IL13RA1: variants seen among roughly 807,000 people sequenced by gnomAD.
The protein encoded by IL13RA1 is interleukin-13 receptor subunit alpha-1.
IL13RA1 carries 14 observed loss-of-function variants against 33.8 expected under a neutral mutation model. The observed-to-expected ratio is 0.41, with a 90% confidence interval of 0.27 to 0.65. IL13RA1 has a LOEUF of 0.65. Among genes scored for constraint, IL13RA1 ranks in the 30% least tolerant of loss-of-function variants. The probability of loss-of-function intolerance (pLI) is 0.28; values close to 1 mark genes in which losing one functional copy is unlikely to be tolerated. For synonymous variants in IL13RA1, 116 were observed against 115.7 expected (o/e 1.00, Z -0.02); for missense variants, 313 against 327.0 (o/e 0.96, Z 0.33).
chrX:118,775,951 C>G (rs1304926578), intron 9 of IL13RA1, among the ~76,000 whole-genome samples: 1 of 110,895 alleles, frequency 9.0e-6, no homozygotes. Context: ...AAGGAGTGCT[C>G]ATAAAGTGAA....
intron 10 of IL13RA1, among the ~76,000 whole-genome samples, chrX:118,777,324 T>G (rs1221893864): frequency 2.7e-5 from 3 of 111,850 alleles, no homozygotes; most frequent in Non-Finnish European, 5.6e-5. Flanking sequence ...CAGAATTTCC[T>G]TTTGAAATTG....
At chrX:118,755,137 CAG>C (rs1038335943) in intron 4 of IL13RA1, among the ~76,000 whole-genome samples, 11 of 109,154 alleles carry the variant, frequency 1.0e-4, no homozygotes, top group Non-Finnish European at 2.1e-4. Context: ...TCAGTAGAGA[CAG>C]GGTTTTACCA....
intron 3 of IL13RA1, 89 bp downstream of exon 3, chrX:118,747,181 T>G (rs1603210051): frequency 7.1e-6 from 4 of 565,016 alleles, no homozygotes; most frequent in African/African-American, 4.6e-5. Flanking sequence ...ATTAATTCAA[T>G]TCTCAAACAT....
chrX:118,737,431 T>C (rs574329220), intron 1 of IL13RA1, among the ~76,000 whole-genome samples: 5 of 112,648 alleles, frequency 4.4e-5, no homozygotes, highest in African/African-American at 1.6e-4. Flanking sequence ...ACCATTGTTA[T>C]CTAGGTGAGG....
intron 6 of IL13RA1, among the ~76,000 whole-genome samples, chrX:118,763,759 G>T (rs1225979030): frequency 1.8e-5 from 2 of 110,875 alleles, no homozygotes; most frequent in African/African-American, 6.6e-5. Flanking sequence ...CTTTGACCAA[G>T]AATACTTAGC....
intron 1 of IL13RA1, among the ~76,000 whole-genome samples, chrX:118,738,781 C>CTTT (rs144796443): frequency 1.2e-3 from 75 of 60,207 alleles, no homozygotes; most frequent in Non-Finnish European, 1.4e-3. Context: ...ATTTTAAGTC[C>CTTT]TTTTTTTTTT....
chrX:118,784,090 A>AAAAAATATATAT (rs1556372973), intron 10 of IL13RA1, among the ~76,000 whole-genome samples: 8 of 63,957 alleles, frequency 1.3e-4, no homozygotes, highest in East Asian at 6.7e-4. Context: ...AAAAAAAAAA[A>AAAAAATATATAT]ATATATATAT....
chrX:118,767,596 G>A (rs1220595870), intron 8 of IL13RA1, among the ~76,000 whole-genome samples: 1 of 111,287 alleles, frequency 9.0e-6, no homozygotes, highest in Non-Finnish European at 1.9e-5. Context: ...TACAATACTA[G>A]AGACTGTCCT....
chrX:118,760,290 A>G (rs1419066027), intron 5 of IL13RA1, among the ~76,000 whole-genome samples: 1 of 112,079 alleles, frequency 8.9e-6, no homozygotes, highest in East Asian at 2.8e-4. Flanking sequence ...GTGGATTCAT[A>G]CAATATTTGT....
At chrX:118,735,242 G>A (rs920578517) in intron 1 of IL13RA1, among the ~76,000 whole-genome samples, 1 of 110,461 alleles carries the variant, frequency 9.1e-6, no homozygotes, top group African/African-American at 3.3e-5. Flanking sequence ...AGGTTTGTCC[G>A]TTTTGTTGAT....
At chrX:118,770,842 T>TGAC (rs1441678299) in intron 8 of IL13RA1, 2 of 274,610 alleles carry the variant, frequency 7.3e-6, no homozygotes, top group African/African-American at 5.6e-5. Flanking sequence ...AGAAAGATGA[T>TGAC]GACAATGAGG....
In IL13RA1 at chrX:118,794,090, CAT is replaced by C. The variant is rs2018006939; in HGVS notation, c.*2237_*2238del. 2 of 112,156 alleles carry C rather than the reference CAT, an allele frequency of 1.8e-5. No homozygotes were observed. Among genetic ancestry groups the C allele is most frequent in the South Asian group, 7.3e-4 (2 of 2,731 alleles). The allele number at this position is 112,156 out of a possible 1,213,427, so 9.2% of individuals were successfully genotyped here. A position where few individuals can be genotyped will look rare whatever the true frequency, so the allele number is the denominator to read the frequency against. ...AGGATGCTGTGAAATTCCCAACAAACATTGATGCTGACAGTCATGCAGTCTGG... is the reference window on the plus strand; with the variant it reads ...AGGATGCTGTGAAATTCCCAACAAACTGATGCTGACAGTCATGCAGTCTGG... On this transcript the variant is annotated 3_prime_UTR_variant, in exon 11 of 11. Coordinates refer to ENST00000371666, the MANE Select transcript of IL13RA1 (RefSeq NM_001560.3).
intron 8 of IL13RA1, chrX:118,770,159 T>C (rs1314420214): frequency 3.7e-6 from 1 of 271,610 alleles, no homozygotes; most frequent in East Asian, 1.0e-4. Flanking sequence ...CAACCGGCGG[T>C]ATGGAGTGTC....
chrX:118,795,243 A>C (rs1055726461), downstream of IL13RA1, among the ~76,000 whole-genome samples: 1 of 109,834 alleles, frequency 9.1e-6, no homozygotes, highest in African/African-American at 3.4e-5. Flanking sequence ...AAAAGAAAAA[A>C]AAATCAGTTT....
intron 8 of IL13RA1, among the ~76,000 whole-genome samples, chrX:118,768,742 AG>A (rs1272082504): frequency 1.8e-5 from 2 of 111,829 alleles, no homozygotes; most frequent in Non-Finnish European, 3.8e-5. Context: ...GAGATTGCAG[AG>A]ATGCAGCTAC....
intron 9 of IL13RA1, among the ~76,000 whole-genome samples, chrX:118,775,464 A>G (rs1267874786): frequency 8.9e-6 from 1 of 111,839 alleles, no homozygotes; most frequent in African/African-American, 3.3e-5. Flanking sequence ...TGAGTGAAGA[A>G]CTGACTTGGG....
At chrX:118,800,787 TTTTA>T in the IL13RA1 span, among the ~76,000 whole-genome samples, 1 of 110,045 alleles carries the variant, frequency 9.1e-6, no homozygotes, top group Non-Finnish European at 1.9e-5. Context: ...ATTCATTTTA[TTTTA>T]TTTATTTTTT....
In IL13RA1 at chrX:118,766,986, C is replaced by T; in HGVS notation, c.1009+10C>T. On this transcript the variant is annotated intron_variant, in intron 8 of 10. Coordinates refer to ENST00000371666, the MANE Select transcript of IL13RA1 (RefSeq NM_001560.3). The stretch of plus-strand genomic sequence containing the variant: ...CAAGAAATGAGTATAGGTAAGAGAA[C>T]AGAATTTTTATTAAAATTTAAAACA... The T allele has an allele frequency of 9.7e-7, 1 of 1,035,212 alleles. No homozygotes were observed. Among genetic ancestry groups the T allele is most frequent in the Non-Finnish European group, 1.3e-6 (1 of 761,430 alleles). 85.3% of individuals were successfully genotyped at this position (1,035,212 alleles called of 1,213,427 possible). A position where few individuals can be genotyped will look rare whatever the true frequency, so the allele number is the denominator to read the frequency against.
At chrX:118,773,718 A>G (rs923018173) in intron 8 of IL13RA1, among the ~76,000 whole-genome samples, 161 bp from the exon 9 acceptor site, 1 of 110,356 alleles carries the variant, frequency 9.1e-6, no homozygotes, top group Non-Finnish European at 1.9e-5. Flanking sequence ...TTTTTAAACT[A>G]TTAATTTAAC....
Sources: gnomAD v4.1 joint callset for allele counts (sites outside exome capture counted in the v4.1 genomes callset) on GRCh38, gnomAD v4.1.1 for gene constraint, MANE v1.5 for transcripts, NCBI Gene and HGNC (gene_info 2026-07-23, HGNC 2026-07-21) for gene names.